SLIT1: variants seen among roughly 807,000 people sequenced by gnomAD.
The protein encoded by SLIT1 is slit guidance ligand 1, also known as slit homolog 1 protein.
SLIT1 carries 66 observed loss-of-function variants against 186.1 expected under a neutral mutation model. The observed-to-expected ratio is 0.35, with a 90% CI of 0.29 to 0.44. The LOEUF is 0.44. Among genes scored for constraint, SLIT1 ranks in the 20% least tolerant of loss-of-function variants. The pLI is 1.00. For missense variants in SLIT1, 1,638 were observed against 2,037.4 expected (o/e 0.80, Z 3.77); for synonymous variants, 761 against 833.8 (o/e 0.91, Z 1.50).
chr10:97,073,593 G>C (rs1849020514), intron 4 of SLIT1, among the ~76,000 whole-genome samples: 1 of 152,310 alleles, frequency 6.6e-6, no homozygotes, highest in East Asian at 1.9e-4. Flanking sequence ...ATACAGGGCT[G>C]GGGCAGAAGC....
chr10:97,157,513 G>C (rs768170541), intron 4 of SLIT1: 6 of 374,752 alleles, frequency 1.6e-5, no homozygotes, highest in Non-Finnish European at 2.4e-5. Flanking sequence ...CCCTGTAAAG[G>C]CTGGCATCAC....
chr10:97,115,935 T>A (rs1176550983), intron 4 of SLIT1, among the ~76,000 whole-genome samples: 1 of 152,192 alleles, frequency 6.6e-6, no homozygotes, highest in African/African-American at 2.4e-5. Flanking sequence ...ATCAAAGTGC[T>A]CTGTCCTTGA....
intron 31 of SLIT1, among the ~76,000 whole-genome samples, chr10:97,008,696 C>CAA (rs200303813): frequency 2.1e-4 from 20 of 96,556 alleles, no homozygotes; most frequent in African/African-American, 4.1e-4. Context: ...AACTCTGTCT[C>CAA]AAAAAAAAAA....
rs1330591804 is a variant in SLIT1, at chr10:97,059,496, G to A, written c.1049C>T (p.Pro350Leu). ...LSNNQIAEIAPDAFQGLRSLN... is the reference protein window; with the variant it reads ...LSNNQIAEIALDAFQGLRSLN... ...GGAGCGGAGGCCCTGGAAGGCGTCG[G>A]GTGCAATCTCAGCGATCTGATTGTT... The change falls in exon 11 of 37, where the codon CCC (proline) becomes CTC (leucine). Residue 350 changes from proline (P) to leucine (L), a missense_variant. By Grantham distance (98) the Pro-to-Leu change is moderately conservative. Transcript: ENST00000266058. 6.2e-7 allele frequency: 1 copy of A among 1,613,736 alleles called. No homozygotes were observed. Among genetic ancestry groups the A allele is most frequent in the African/African-American group, 1.3e-5 (1 of 74,912 alleles).
intron 9 of SLIT1, 118 bp downstream of exon 9, chr10:97,060,522 G>A (rs979204291): frequency 4.8e-6 from 6 of 1,245,812 alleles, no homozygotes; most frequent in East Asian, 2.4e-5. Context: ...TCTTCTCTAC[G>A]GCCACTGAGG....
At chr10:97,162,203 C>T (rs560654105) in intron 3 of SLIT1, among the ~76,000 whole-genome samples, 1 of 152,270 alleles carries the variant, frequency 6.6e-6, no homozygotes, top group African/African-American at 2.4e-5. Context: ...TTATCTTTTC[C>T]ATTTAACATT....
intron 4 of SLIT1, among the ~76,000 whole-genome samples, chr10:97,082,511 T>G (rs769767506): frequency 6.6e-6 from 1 of 152,174 alleles, no homozygotes; most frequent in South Asian, 2.1e-4. Flanking sequence ...CTCGGCTCAC[T>G]GGAAGCTCCG....
chr10:97,178,855 T>C (rs1224822370), intron 1 of SLIT1, among the ~76,000 whole-genome samples: 1 of 152,134 alleles, frequency 6.6e-6, no homozygotes, highest in Non-Finnish European at 1.5e-5. Context: ...TTTGCACAAG[T>C]CCATAAGTTT....
At chr10:97,147,062 G>T (rs1011303212) in intron 4 of SLIT1, among the ~76,000 whole-genome samples, 6 of 151,960 alleles carry the variant, frequency 3.9e-5, no homozygotes, top group Admixed American at 3.3e-4. Context: ...AACAAAATGT[G>T]GTCTATCCAA....
intron 30 of SLIT1, among the ~76,000 whole-genome samples, chr10:97,012,260 G>A (rs1013332778): frequency 2.0e-5 from 3 of 152,066 alleles, no homozygotes; most frequent in East Asian, 3.8e-4. Context: ...AGGGGCTGGG[G>A]CTCCCTTTAT....
intron 4 of SLIT1, among the ~76,000 whole-genome samples, chr10:97,138,901 C>A (rs1289102196): frequency 1.3e-5 from 2 of 152,202 alleles, no homozygotes; most frequent in Non-Finnish European, 2.9e-5. Flanking sequence ...GGCTGCCAAC[C>A]AGCCATCAAA....
At chr10:97,059,121 C>T (rs1262532369) in intron 11 of SLIT1, among the ~76,000 whole-genome samples, 2 of 152,312 alleles carry the variant, frequency 1.3e-5, no homozygotes, top group African/African-American at 2.4e-5. Flanking sequence ...TGCTGGGCTT[C>T]GGGCGGGGGA....
rs150592962 is a variant in SLIT1 at position 97,007,610 on chromosome 10, C to T, written c.3342-890G>A. On this transcript the variant is annotated intron_variant, in intron 31 of 36. Transcript: ENST00000266058. ...ATATACAATGACCAAGTGAGATTTA[C>T]GCCAGGAATGCAAGGCTGGTTTGAC... 3.4e-3 allele frequency among the ~76,000 whole-genome samples: 513 copies of T among 152,062 alleles called. 3 individuals carry two copies. The highest frequency in any genetic ancestry group is 6.9e-3 in the South Asian group (33 of 4,806).
At chr10:97,136,303 T>A (rs1849703065) in intron 4 of SLIT1, among the ~76,000 whole-genome samples, 1 of 152,192 alleles carries the variant, frequency 6.6e-6, no homozygotes, top group South Asian at 2.1e-4. Flanking sequence ...GGTGTTGCTG[T>A]GAACCTAAAA....
chr10:97,085,396 T>G (rs2805600), intron 4 of SLIT1, among the ~76,000 whole-genome samples: 63,419 of 151,688 alleles, frequency 0.42, 16,105 homozygotes, highest in South Asian at 0.58. Flanking sequence ...CTTTTTTTTT[T>G]TTTGTTTTTG....
intron 25 of SLIT1, among the ~76,000 whole-genome samples, chr10:97,028,267 C>G (rs1411057999): frequency 1.3e-5 from 2 of 152,224 alleles, no homozygotes; most frequent in African/African-American, 4.8e-5. Flanking sequence ...GCAGGGCTCA[C>G]TCCTGCCTCC....
chr10:97,040,342 G>T (rs3824789), intron 20 of SLIT1, among the ~76,000 whole-genome samples: 2 of 151,912 alleles, frequency 1.3e-5, no homozygotes, highest in Admixed American at 6.6e-5. Context: ...TCTTGAGTTG[G>T]TCTCTTTCTC....
At chr10:97,138,297 C>T (rs1849722216) in intron 4 of SLIT1, among the ~76,000 whole-genome samples, 1 of 152,234 alleles carries the variant, frequency 6.6e-6, no homozygotes, top group Non-Finnish European at 1.5e-5. Flanking sequence ...ACAGTGGCCT[C>T]CCCACTTACG....
Position 97,043,577 on chromosome 10 carries a change from A to G in SLIT1, c.1854-64T>C, listed in dbSNP as rs932955912. 2.0e-5 allele frequency: 30 copies of G among 1,491,076 alleles called. No homozygotes were observed. The African/African-American group carries it at 4.0e-4, about 20-fold the overall frequency. The allele number at this position is 1,491,076 out of a possible 1,614,324, so 92.4% of individuals were successfully genotyped here. On this transcript the variant is annotated intron_variant, in intron 18 of 36. Coordinates refer to ENST00000266058, the MANE Select transcript of SLIT1 (RefSeq NM_003061.3). The surrounding 1 kb of genome is among the most constrained non-coding windows in gnomAD (Gnocchi z 7.0). ...GCCCTGCCAGCCATCCACCTGGGCCACGCAGCTTCCGCCATCGTGGCTCGT... is the reference window on the plus strand; with the variant it reads ...GCCCTGCCAGCCATCCACCTGGGCCGCGCAGCTTCCGCCATCGTGGCTCGT...
Sources: gnomAD v4.1 joint callset for allele counts (sites outside exome capture counted in the v4.1 genomes callset) on GRCh38, gnomAD v4.1.1 for gene constraint, Gnocchi (gnomAD v3.1) non-coding constraint, MANE v1.5 for transcripts, NCBI Gene and HGNC (gene_info 2026-07-23, HGNC 2026-07-21) for gene names.